The following ADAMTSL3 variants were observed in gnomAD, a reference collection of about 807,000 sequenced individuals.
The protein encoded by ADAMTSL3 is ADAMTS-like protein 3.
ADAMTSL3 carries 128 observed loss-of-function variants against 201.7 expected under a neutral mutation model. The ratio of observed to expected loss-of-function variants is 0.63; its 90% CI spans 0.55 to 0.73. ADAMTSL3 has a LOEUF of 0.73. Among genes scored for constraint, ADAMTSL3 ranks in the 30% least tolerant of loss-of-function variants. The pLI, the probability that ADAMTSL3 is intolerant of heterozygous loss-of-function variation, is 0.00. For synonymous variants in ADAMTSL3, 738 were observed against 748.4 expected, an observed-to-expected ratio of 0.99 and a Z score of 0.23; for missense variants, 1,990 against 2,119.6, an observed-to-expected ratio of 0.94 and a Z score of 1.20.
At chr15:83,744,109 C>A (rs535680986) in intron 3 of ADAMTSL3, among the ~76,000 whole-genome samples, 239 of 152,240 alleles carry the variant, frequency 1.6e-3, no homozygotes, top group Middle Eastern at 6.8e-3. Context: ...CTCGGCCTCT[C>A]AAAGTGCTGG....
intron 2 of ADAMTSL3, among the ~76,000 whole-genome samples, chr15:83,663,026 T>C (rs2061196961): frequency 6.6e-6 from 1 of 152,138 alleles, no homozygotes; most frequent in African/African-American, 2.4e-5. Flanking sequence ...TCTTCTCACC[T>C]AGCAGGCAGC....
intron 19 of ADAMTSL3, among the ~76,000 whole-genome samples, chr15:83,965,349 C>CAAAA (rs143907808): frequency 9.1e-5 from 9 of 98,426 alleles, no homozygotes; most frequent in East Asian, 3.5e-4. Flanking sequence ...AAATGGAAAG[C>CAAAA]AAAAAAAAAA....
At chr15:83,921,299 T>A (rs2066138600) in intron 16 of ADAMTSL3, among the ~76,000 whole-genome samples, 1 of 152,222 alleles carries the variant, frequency 6.6e-6, no homozygotes, top group Admixed American at 6.5e-5. Context: ...AGAGGATCCG[T>A]TTTTGTTAAT....
intron 8 of ADAMTSL3, chr15:83,862,621 G>C (rs1205864058): frequency 3.3e-5 from 5 of 152,148 alleles, no homozygotes; most frequent in Non-Finnish European, 1.5e-5. Flanking sequence ...TGAAGGAAGA[G>C]CTCAACATGC....
chr15:83,659,358 T>G (rs1432251242), intron 2 of ADAMTSL3, among the ~76,000 whole-genome samples: 1 of 152,208 alleles, frequency 6.6e-6, no homozygotes, highest in African/African-American at 2.4e-5. Context: ...AATATCTGGG[T>G]TGGCTCCGAT....
At chr15:83,737,502 C>T (rs747738275) in intron 3 of ADAMTSL3, among the ~76,000 whole-genome samples, 5 of 152,098 alleles carry the variant, frequency 3.3e-5, no homozygotes, top group African/African-American at 4.8e-5. Context: ...TCTTGCCTGC[C>T]ACCACGTATG....
intron 17 of ADAMTSL3, among the ~76,000 whole-genome samples, chr15:83,937,670 TATC>T (rs2066484292): frequency 6.6e-6 from 1 of 151,014 alleles, no homozygotes; most frequent in South Asian, 2.1e-4. Context: ...GTTTAAAAAT[TATC>T]ATTACGTATG....
At chr15:83,821,826 G>A (rs1270757412) in intron 6 of ADAMTSL3, among the ~76,000 whole-genome samples, 1 of 151,536 alleles carries the variant, frequency 6.6e-6, no homozygotes, top group African/African-American at 2.4e-5. Context: ...CGGCCGGGCA[G>A]AGGCGCCCCT....
At chr15:83,746,007 C>T (rs1883111538) in intron 3 of ADAMTSL3, among the ~76,000 whole-genome samples, 1 of 152,088 alleles carries the variant, frequency 6.6e-6, no homozygotes, top group Non-Finnish European at 1.5e-5. Flanking sequence ...AAAGGCTGTT[C>T]TAACAAATAG....
chr15:83,977,266 C>T (rs1359510192), intron 20 of ADAMTSL3, among the ~76,000 whole-genome samples: 1 of 151,338 alleles, frequency 6.6e-6, no homozygotes, highest in African/African-American at 2.5e-5. Flanking sequence ...CCCACCCCGA[C>T]AACTGGTTTG....
chr15:83,828,886 A>G (rs926641143), intron 6 of ADAMTSL3, among the ~76,000 whole-genome samples: 4 of 152,178 alleles, frequency 2.6e-5, no homozygotes, highest in Admixed American at 1.3e-4. Context: ...CCACTTGATC[A>G]TGGTGGATAA....
At chr15:83,936,498 G>T (rs1430290209) in intron 17 of ADAMTSL3, among the ~76,000 whole-genome samples, 1 of 150,706 alleles carries the variant, frequency 6.6e-6, no homozygotes, top group African/African-American at 2.5e-5. Flanking sequence ...TCAATAAAAG[G>T]ATAGACATAC....
At chr15:83,949,096 A>G (rs1200516401) in intron 19 of ADAMTSL3, among the ~76,000 whole-genome samples, 1 of 152,136 alleles carries the variant, frequency 6.6e-6, no homozygotes, top group Non-Finnish European at 1.5e-5. Flanking sequence ...AGCAAATACT[A>G]GGTCTTACTG....
intron 2 of ADAMTSL3, among the ~76,000 whole-genome samples, chr15:83,702,393 G>A (rs1214377634): frequency 6.6e-6 from 1 of 152,208 alleles, no homozygotes; most frequent in Non-Finnish European, 1.5e-5. Flanking sequence ...CTAATTCCCA[G>A]AACTATGGGG....
chr15:83,685,744 G>A (rs143235841), intron 2 of ADAMTSL3, among the ~76,000 whole-genome samples: 1 of 152,108 alleles, frequency 6.6e-6, no homozygotes, highest in African/African-American at 2.4e-5. Context: ...TTTCTCAAAC[G>A]GAGATGATAC....
rs969721421 is a variant in ADAMTSL3, at chr15:83,997,768, G to A, written c.3973+6554G>A. Among the ~76,000 whole-genome samples the A allele has an allele frequency of 3.9e-5, 6 of 152,028 alleles. No homozygotes were observed. The East Asian group carries it at 1.2e-3, about 29-fold the overall frequency. On this transcript the variant is annotated intron_variant, in intron 23 of 29. Coordinates refer to ENST00000286744, the MANE Select transcript of ADAMTSL3 (RefSeq NM_207517.3). ...TTGTTGTTGTTCACCTCCTAGCCCT[G>A]TTTCCTGTAAGACCTTGGACCTATC... is the stretch of plus-strand genomic sequence containing the variant.
chr15:83,961,581 A>C (rs1036289534), intron 19 of ADAMTSL3: 9 of 145,348 alleles, frequency 6.2e-5, no homozygotes, highest in Non-Finnish European at 1.4e-4. Flanking sequence ...AGGAGCATTC[A>C]ATGCAAGAGG....
At chr15:84,008,915 C>G (rs557243736) in intron 23 of ADAMTSL3, among the ~76,000 whole-genome samples, 4 of 152,026 alleles carry the variant, frequency 2.6e-5, no homozygotes, top group African/African-American at 9.6e-5. Context: ...TCGGTTTTTA[C>G]TCGCTTTCCT....
chr15:83,659,954 A>C lies in ADAMTSL3; in HGVS notation c.69+4124A>C, dbSNP rs533662847. The stretch of plus-strand genomic sequence containing the variant: ...CTTGATTTTAGTCCTGTAAAAATGC[A>C]TTTCAGATTTCTGACCTTCAGAACT... On this transcript the variant is annotated intron_variant, in intron 2 of 29. Transcript: ENST00000286744. Among the ~76,000 whole-genome samples the C allele has an allele frequency of 6.6e-5, 10 of 152,316 alleles. No homozygotes were observed. The South Asian group carries it at 2.1e-3, about 32-fold the overall frequency.
Sources: allele counts gnomAD v4.1 joint callset (sites outside exome capture counted in the v4.1 genomes callset), GRCh38; gene constraint gnomAD v4.1.1; transcripts MANE v1.5; gene names NCBI Gene and HGNC (gene_info 2026-07-23, HGNC 2026-07-21).